The following IGSF9B variants were observed in gnomAD, a reference collection of about 807,000 sequenced individuals.
IGSF9B encodes the protein protein turtle homolog B.
IGSF9B carries 48 observed loss-of-function variants against 143.7 expected under a neutral mutation model. The observed-to-expected ratio is 0.33, with a 90% CI of 0.26 to 0.42. The LOEUF (loss-of-function observed/expected upper bound fraction) is 0.42, where lower values mean the gene tolerates loss of function less well. Ranked by LOEUF, IGSF9B falls within the 20% of genes least tolerant of loss-of-function variation. IGSF9B has a pLI of 1.00. For synonymous variants in IGSF9B, 903 were observed against 833.1 expected (o/e 1.08, Z -1.44); for missense variants, 1,706 against 1,980.0 (o/e 0.86, Z 2.63).
intron 7 of IGSF9B, among the ~76,000 whole-genome samples, chr11:133,933,566 C>G (rs1436668828): frequency 6.6e-6 from 1 of 152,164 alleles, no homozygotes; most frequent in East Asian, 1.9e-4. Context: ...GGCAATTTAG[C>G]GAGACTCCAA....
At position 133,907,059 on chromosome 11, in the gene IGSF9B, C is replaced by G. The variant is rs994492603; in HGVS notation, c.*2010G>C. On this transcript the variant is annotated 3_prime_UTR_variant, in exon 20 of 20. Coordinates refer to ENST00000533871, the MANE Select transcript of IGSF9B (RefSeq NM_001277285.4). ...CAGTGGTCAAGTGGATTCCAACGCCCCAGAGAAGCACATCAACTGGAAGGC... is the reference window on the plus strand; with the variant it reads ...CAGTGGTCAAGTGGATTCCAACGCCGCAGAGAAGCACATCAACTGGAAGGC... Among the ~76,000 whole-genome samples, 5 of 152,142 alleles carry G rather than the reference C, an allele frequency of 3.3e-5. No homozygotes were observed.
intron 4 of IGSF9B, 23 bp from the exon 5 acceptor site, chr11:133,937,516 G>T (rs1335855810): frequency 1.3e-6 from 2 of 1,581,306 alleles, no homozygotes; most frequent in African/African-American, 1.3e-5. Flanking sequence ...AACAGAGGGA[G>T]CTCAGCACCC....
chr11:133,949,436 C>G (rs1045290968), intron 1 of IGSF9B, among the ~76,000 whole-genome samples: 17 of 152,102 alleles, frequency 1.1e-4, no homozygotes, highest in Admixed American at 1.1e-3. Flanking sequence ...CACACTCTCT[C>G]CAGAAAAGCT....
intron 1 of IGSF9B, among the ~76,000 whole-genome samples, chr11:133,955,891 C>T (rs1001890441): frequency 2.0e-5 from 3 of 152,074 alleles, no homozygotes; most frequent in Non-Finnish European, 2.9e-5. Context: ...CCCCCCCTTC[C>T]CCGCCCCTCC....
intron 18 of IGSF9B, among the ~76,000 whole-genome samples, chr11:133,918,165 A>G (rs1169703642): frequency 1.3e-5 from 2 of 152,042 alleles, no homozygotes; most frequent in Non-Finnish European, 2.9e-5. Flanking sequence ...GTGAGGGGAC[A>G]TGGTTTGGAT....
intron 3 of IGSF9B, among the ~76,000 whole-genome samples, chr11:133,942,347 T>C (rs1242987639): frequency 6.6e-6 from 1 of 152,164 alleles, no homozygotes; most frequent in Middle Eastern, 3.2e-3. Context: ...GCCACACAGC[T>C]AGTACACAGT....
rs1410197019 is a variant in IGSF9B, at chr11:133,948,157, C to G, written c.65-1899G>C. ...GCCTGCTTCTCTGTATGCAAGGGCTCCGTCTCTGCATGTATGTACTTCTGT... is the reference window on the plus strand; with the variant it reads ...GCCTGCTTCTCTGTATGCAAGGGCTGCGTCTCTGCATGTATGTACTTCTGT... On this transcript the variant is annotated intron_variant, in intron 1 of 19. Coordinates refer to ENST00000533871, the MANE Select transcript of IGSF9B (RefSeq NM_001277285.4). The surrounding 1 kb of genome is among the most constrained non-coding windows in gnomAD (Gnocchi z 4.7). Among the ~76,000 whole-genome samples, 2 of 151,510 alleles carry G rather than the reference C, an allele frequency of 1.3e-5. No homozygotes were observed. The highest frequency in any genetic ancestry group is 4.9e-5 in the African/African-American group (2 of 41,134).
At chr11:133,938,026 T>C in intron 3 of IGSF9B, 65 bp from the exon 4 acceptor site, 1 of 1,537,770 alleles carries the variant, frequency 6.5e-7, no homozygotes, top group South Asian at 1.2e-5. Context: ...GCAACAACAG[T>C]ACCTGCCCCA....
chr11:133,931,199 G>T lies in IGSF9B; in HGVS notation c.1369-65C>A. The T allele has an allele frequency of 1.3e-6, 2 of 1,522,054 alleles. No individual in the cohort carries two copies. Among genetic ancestry groups the T allele is most frequent in the Non-Finnish European group, 1.8e-6 (2 of 1,116,662 alleles). 94.3% of individuals were successfully genotyped at this position (1,522,054 alleles called of 1,614,324 possible). On this transcript the variant is annotated intron_variant, in intron 10 of 19. Transcript: ENST00000533871. The surrounding 1 kb of genome is among the most constrained non-coding windows in gnomAD (Gnocchi z 7.7). The stretch of plus-strand genomic sequence containing the variant: ...ATGGGGGTTAGGAGAGAAGCCCGAA[G>T]CAGATGGGGAGGACGCGCCTGAGAC...
At chr11:133,918,560 G>A (rs1387521987) in intron 18 of IGSF9B, among the ~76,000 whole-genome samples, 1 of 152,138 alleles carries the variant, frequency 6.6e-6, no homozygotes, top group Non-Finnish European at 1.5e-5. Flanking sequence ...ACCTCCCTGC[G>A]CCCTAAGCCC....
chr11:133,923,753 C>T (rs1939580484), intron 15 of IGSF9B, among the ~76,000 whole-genome samples: 1 of 152,232 alleles, frequency 6.6e-6, no homozygotes, highest in Non-Finnish European at 1.5e-5. Flanking sequence ...CTCCTCCTTC[C>T]CCTGTGTGGA....
intron 13 of IGSF9B, among the ~76,000 whole-genome samples, chr11:133,926,428 A>G (rs1939627778): frequency 1.3e-5 from 2 of 152,176 alleles, no homozygotes; most frequent in Non-Finnish European, 2.9e-5. Flanking sequence ...ACCACCTAGG[A>G]AAAGCCTGTT....
In IGSF9B at chr11:133,897,471, T is replaced by TTTA. The variant is rs1939039727; in HGVS notation, c.*11597_*11598insTAA. ...GCTCAGGCAGCAGAAGGGTGTCCCA[T>TTTA]CCTCACCGTCATCTTTTACTTCCCA... is the stretch of plus-strand genomic sequence containing the variant. On this transcript the variant is annotated 3_prime_UTR_variant, in exon 20 of 20. Transcript: ENST00000533871. 1 of 152,196 alleles carries TTTA rather than the reference T, an allele frequency of 6.6e-6. No homozygotes were observed. The highest frequency in any genetic ancestry group is 1.5e-5 in the Non-Finnish European group (1 of 68,076). 9.4% of individuals were successfully genotyped at this position (152,196 alleles called of 1,614,324 possible).
In IGSF9B at chr11:133,920,712, C is replaced by A. The variant is rs762662432; in HGVS notation, c.3013G>T (p.Gly1005Trp). ...GGGATGGTGGGGTGGCCAAAGGGCC[C>A]CTCGGTGGGCAGGGGCGGGGACGAC... The part of the protein sequence containing the change: ...VMSSPPLPTE[G>W]PFGHPTIPEE... The change falls in exon 18 of 20, where the codon GGG (glycine) becomes TGG (tryptophan). Residue 1005 changes from glycine (G) to tryptophan (W), a missense_variant. Around this residue, in one of 7 missense-constraint regions of IGSF9B, gnomAD observed 880 missense variants for 762.9 expected, o/e 1.15. Coordinates refer to ENST00000533871, the MANE Select transcript of IGSF9B (RefSeq NM_001277285.4). 6.2e-7 allele frequency: 1 copy of A among 1,613,392 alleles called. No homozygotes were observed. The highest frequency in any genetic ancestry group is 8.5e-7 in the Non-Finnish European group (1 of 1,179,720).
At chr11:133,943,984 A>T (rs981876684) in intron 3 of IGSF9B, among the ~76,000 whole-genome samples, 2 of 152,218 alleles carry the variant, frequency 1.3e-5, no homozygotes, top group African/African-American at 4.8e-5. Flanking sequence ...ACAGCACCAC[A>T]CATGCAGGGA....
Position 133,905,975 on chromosome 11 carries a change from A to G in IGSF9B, c.*3094T>C, listed in dbSNP as rs1273405242. ...CTTCCTGGTCTGTGGGTCACCTGAC[A>G]CTACAACAGCCACAGTTCTCAGCCA... On this transcript the variant is annotated 3_prime_UTR_variant, in exon 20 of 20. Coordinates refer to ENST00000533871, the MANE Select transcript of IGSF9B (RefSeq NM_001277285.4). This position sits in a 1 kb window ranked among gnomAD's most constrained non-coding sequence, Gnocchi z 4.0. Among the ~76,000 whole-genome samples the G allele has an allele frequency of 6.6e-6, 1 of 152,246 alleles. No individual in the cohort carries two copies. The highest frequency in any genetic ancestry group is 2.4e-5 in the African/African-American group (1 of 41,468).
rs780448434 is a variant in IGSF9B, at chr11:133,931,822, G to A, written c.1111-27C>T. The A allele has an allele frequency of 1.2e-6, 2 of 1,609,108 alleles. No homozygotes were observed. Among genetic ancestry groups the A allele is most frequent in the East Asian group, 2.2e-5 (1 of 44,830 alleles). On this transcript the variant is annotated intron_variant, in intron 8 of 19. Coordinates refer to ENST00000533871, the MANE Select transcript of IGSF9B (RefSeq NM_001277285.4). The surrounding 1 kb of genome is among the most constrained non-coding windows in gnomAD (Gnocchi z 7.7). Reference sequence around the variant, plus strand: ...TGCCAGACACAGACGATAGGGCAGGGAACGCTGGTCAGAGACTCCGCGCTC... The same window carrying A: ...TGCCAGACACAGACGATAGGGCAGGAAACGCTGGTCAGAGACTCCGCGCTC...
Position 133,948,581 on chromosome 11 carries a change from T to C in IGSF9B, c.65-2323A>G, listed in dbSNP as rs1262190451. Reference sequence around the variant, plus strand: ...AAGGCGGATGCTGGACCAAGAGGAATGGGTGAATAATGGGTGCCATGAGTT... The same window carrying C: ...AAGGCGGATGCTGGACCAAGAGGAACGGGTGAATAATGGGTGCCATGAGTT... On this transcript the variant is annotated intron_variant, in intron 1 of 19. Transcript: ENST00000533871. This position sits in a 1 kb window ranked among gnomAD's most constrained non-coding sequence, Gnocchi z 4.7. Among the ~76,000 whole-genome samples the C allele has an allele frequency of 6.7e-6, 1 of 150,066 alleles. No homozygotes were observed. The highest frequency in any genetic ancestry group is 2.5e-5 in the African/African-American group (1 of 40,634).
rs1940032857 is a variant in IGSF9B at position 133,945,627 on chromosome 11, A to G, written c.262+434T>C. 6.6e-6 allele frequency among the ~76,000 whole-genome samples: 1 copy of G among 152,168 alleles called. No homozygotes were observed. The highest frequency in any genetic ancestry group is 1.5e-5 in the Non-Finnish European group (1 of 68,036). ...CATGACAAGGAGGCAGACACCAGGC[A>G]CCTGCAAACGGTGGGAGGCCAAAGA... On this transcript the variant is annotated intron_variant, in intron 2 of 19. Transcript: ENST00000533871. This position sits in a 1 kb window ranked among gnomAD's most constrained non-coding sequence, Gnocchi z 4.6.
Sources: allele counts gnomAD v4.1 joint callset (sites outside exome capture counted in the v4.1 genomes callset), GRCh38; gene constraint gnomAD v4.1.1; regional missense constraint gnomAD v4.1.1; non-coding constraint Gnocchi (gnomAD v3.1); transcripts MANE v1.5; gene names NCBI Gene and HGNC (gene_info 2026-07-23, HGNC 2026-07-21).